Variants in DLG2 observed in about 807,000 individuals in gnomAD.
The protein encoded by DLG2 is disks large homolog 2.
DLG2 carries 45 observed loss-of-function variants against 132.5 expected under a neutral mutation model. The ratio of observed to expected loss-of-function variants is 0.34; its 90% confidence interval spans 0.27 to 0.44. The LOEUF (loss-of-function observed/expected upper bound fraction) is 0.44, where lower values mean the gene tolerates loss of function less well. Ranked by LOEUF, DLG2 falls within the 20% of genes least tolerant of loss-of-function variation. The probability of loss-of-function intolerance (pLI) is 1.00; values close to 1 mark genes in which losing one functional copy is unlikely to be tolerated. For synonymous variants in DLG2, 424 were observed against 419.6 expected (o/e 1.01, Z -0.13); for missense variants, 1,045 against 1,196.9 (o/e 0.87, Z 1.87).
At chr11:84,606,200 T>A (rs2099585281) in intron 6 of DLG2, among the ~76,000 whole-genome samples, 1 of 152,126 alleles carries the variant, frequency 6.6e-6, no homozygotes, top group Non-Finnish European at 1.5e-5. Context: ...ACATTTAACA[T>A]TTTCAACAGG....
At chr11:85,317,158 A>G (rs2080741181) in intron 3 of DLG2, among the ~76,000 whole-genome samples, 1 of 151,998 alleles carries the variant, frequency 6.6e-6, no homozygotes, top group African/African-American at 2.4e-5. Flanking sequence ...GAAGCAACAT[A>G]ATTTGTTTGA....
At chr11:85,259,833 A>C (rs1419230286) in intron 4 of DLG2, among the ~76,000 whole-genome samples, 1 of 152,090 alleles carries the variant, frequency 6.6e-6, no homozygotes, top group Non-Finnish European at 1.5e-5. Context: ...ATTCAGAGCT[A>C]TGGTGAAGAT....
intron 6 of DLG2, among the ~76,000 whole-genome samples, chr11:85,052,947 T>C (rs1290107261): frequency 6.6e-6 from 1 of 152,216 alleles, no homozygotes; most frequent in Admixed American, 6.5e-5. Context: ...CTTAAATCAA[T>C]TTATTTACTA....
Position 84,462,206 on chromosome 11 carries a change from A to G in DLG2, c.519+72364T>C, listed in dbSNP as rs77374940. The stretch of plus-strand genomic sequence containing the variant: ...TACCCATCAAAGAGGAAAAGGTCCC[A>G]TTTATCAAAATGGTTCCCAAGCAGT... On this transcript the variant is annotated intron_variant, in intron 7 of 27. Coordinates refer to ENST00000376104, the MANE Select transcript of DLG2 (RefSeq NM_001142699.3). 5.1e-4 allele frequency among the ~76,000 whole-genome samples: 77 copies of G among 151,066 alleles called. No individual in the cohort carries two copies. In the East Asian group the frequency reaches 0.013, roughly 26 times the overall value.
chr11:84,864,981 A>T (rs1340885961), intron 6 of DLG2, among the ~76,000 whole-genome samples: 1 of 152,194 alleles, frequency 6.6e-6, no homozygotes, highest in Non-Finnish European at 1.5e-5. Flanking sequence ...TAATATACCA[A>T]GACAGAGTAA....
chr11:84,747,900 A>G (rs1372134038), intron 6 of DLG2, among the ~76,000 whole-genome samples: 1 of 152,168 alleles, frequency 6.6e-6, no homozygotes, highest in Non-Finnish European at 1.5e-5. Flanking sequence ...GCCTAATAGA[A>G]GGAGACAACA....
chr11:83,626,541 G>T (rs1434525088), intron 19 of DLG2, among the ~76,000 whole-genome samples: 2 of 152,206 alleles, frequency 1.3e-5, no homozygotes, highest in South Asian at 2.1e-4. Flanking sequence ...GAGTGCGTTT[G>T]TCATATTACA....
chr11:84,623,677 T>C (rs1023302527), intron 6 of DLG2, among the ~76,000 whole-genome samples: 1 of 152,160 alleles, frequency 6.6e-6, no homozygotes, highest in South Asian at 2.1e-4. Flanking sequence ...AGTTACTACC[T>C]CAATTACTTG....
intron 4 of DLG2, among the ~76,000 whole-genome samples, chr11:85,255,137 T>A (rs1429201531): frequency 6.6e-6 from 1 of 152,166 alleles, no homozygotes; most frequent in African/African-American, 2.4e-5. Context: ...ACTCTAATCA[T>A]TTAACATCTC....
intron 7 of DLG2, among the ~76,000 whole-genome samples, chr11:84,422,444 TTC>T (rs1371367331): frequency 1.3e-5 from 2 of 152,218 alleles, no homozygotes; most frequent in Non-Finnish European, 2.9e-5. Flanking sequence ...TTGAAAAATT[TTC>T]TGTCTGAATA....
intron 17 of DLG2, among the ~76,000 whole-genome samples, chr11:83,792,424 T>G (rs1841784636): frequency 6.6e-6 from 1 of 152,206 alleles, no homozygotes; most frequent in African/African-American, 2.4e-5. Flanking sequence ...CATATCCATA[T>G]ATCATAAGTA....
chr11:84,329,308 C>A (rs1313286431), intron 7 of DLG2, among the ~76,000 whole-genome samples: 1 of 152,134 alleles, frequency 6.6e-6, no homozygotes. Context: ...TATGGTTTGG[C>A]TATGTCTCCA....
At chr11:85,476,772 G>C (rs2093155480) in intron 3 of DLG2, among the ~76,000 whole-genome samples, 1 of 152,010 alleles carries the variant, frequency 6.6e-6, no homozygotes, top group African/African-American at 2.4e-5. Flanking sequence ...ACATGGATCT[G>C]TTATCTACTA....
At chr11:84,435,655 T>G (rs906661338) in intron 7 of DLG2, among the ~76,000 whole-genome samples, 1 of 152,170 alleles carries the variant, frequency 6.6e-6, no homozygotes, top group African/African-American at 2.4e-5. Context: ...AAATCAAACT[T>G]GGTTTCTTCT....
intron 7 of DLG2, among the ~76,000 whole-genome samples, chr11:84,302,593 T>TA (rs1335829346): frequency 6.6e-6 from 1 of 152,202 alleles, no homozygotes; most frequent in Non-Finnish European, 1.5e-5. Flanking sequence ...AAAAAGTTGT[T>TA]ACTACATTAA....
chr11:84,667,505 T>G (rs961279340), intron 6 of DLG2, among the ~76,000 whole-genome samples: 13 of 112,148 alleles, frequency 1.2e-4, no homozygotes, highest in South Asian at 3.0e-4. Flanking sequence ...TTTGTTTTTT[T>G]TTTTTTTTTG....
intron 3 of DLG2, among the ~76,000 whole-genome samples, chr11:85,477,452 A>C (rs1426728160): frequency 2.0e-5 from 3 of 152,256 alleles, no homozygotes; most frequent in Non-Finnish European, 4.4e-5. Context: ...ACTTGACCAT[A>C]GGTAATAACC....
At chr11:84,815,687 G>A (rs2077015350) in intron 6 of DLG2, among the ~76,000 whole-genome samples, 1 of 151,930 alleles carries the variant, frequency 6.6e-6, no homozygotes, top group African/African-American at 2.4e-5. Context: ...AATTAAGAAG[G>A]TCAATTTGCC....
intron 6 of DLG2, among the ~76,000 whole-genome samples, chr11:84,881,427 C>T (rs936101412): frequency 1.3e-5 from 2 of 152,080 alleles, no homozygotes; most frequent in Non-Finnish European, 2.9e-5. Flanking sequence ...AGACTTGAAG[C>T]ATGTTGTAGG....
Sources: allele counts gnomAD v4.1 joint callset (sites outside exome capture counted in the v4.1 genomes callset), GRCh38; gene constraint gnomAD v4.1.1; transcripts MANE v1.5; gene names NCBI Gene and HGNC (gene_info 2026-07-23, HGNC 2026-07-21).